ZNF780A: variants seen among roughly 807,000 people sequenced by gnomAD.
ZNF780A encodes the protein zinc finger protein 780A.
A neutral mutation model predicts 56.7 loss-of-function variants in ZNF780A; 40 were observed. The ratio of observed to expected loss-of-function variants is 0.71; its 90% confidence interval spans 0.55 to 0.92. The LOEUF (loss-of-function observed/expected upper bound fraction) is 0.92. Among genes scored for constraint, ZNF780A ranks in the 40% least tolerant of loss-of-function variants. ZNF780A has a pLI of 0.00. For missense variants in ZNF780A, 672 were observed against 783.3 expected (o/e 0.86, Z 1.70); for synonymous variants, 231 against 248.3 (o/e 0.93, Z 0.66).
intron 2 of ZNF780A, chr19:40,089,294 C>A: frequency 7.2e-7 from 1 of 1,391,900 alleles, no homozygotes; most frequent in Non-Finnish European, 9.5e-7. Context: ...TAAATACATA[C>A]AATTATATCT....
intron 5 of ZNF780A, among the ~76,000 whole-genome samples, chr19:40,077,837 C>T (rs1176466078): frequency 6.6e-6 from 1 of 150,804 alleles, no homozygotes; most frequent in African/African-American, 2.4e-5. Context: ...AAAGCCTCCC[C>T]TACAAAAGCA....
rs368880980 is a variant in ZNF780A, at chr19:40,084,745, A to G, written c.9T>C (p.His3=). 2.1e-5 allele frequency: 32 copies of G among 1,552,332 alleles called. No individual in the cohort carries two copies. The African/African-American group carries it at 3.0e-4, about 15-fold the overall frequency. ...GGAAAAGAGAGAAATACAAACTTAC[A>G]TGGACCATGTTGCTAGAATTACAAA... MV[H]GSVTFRDVAI... The change falls in exon 3 of 6, where the codon CAT becomes CAC. Residue 3 remains histidine (H), a splice_region_variant and synonymous_variant. Transcript: ENST00000683561.
At chr19:40,080,442 A>G (rs558050512) in intron 5 of ZNF780A, among the ~76,000 whole-genome samples, 4 of 152,354 alleles carry the variant, frequency 2.6e-5, no homozygotes, top group Non-Finnish European at 4.4e-5. Context: ...ATGTCCATCA[A>G]TGGTTACCTG....
chr19:40,080,195 G>A (rs1974393102), intron 5 of ZNF780A, among the ~76,000 whole-genome samples: 1 of 152,112 alleles, frequency 6.6e-6, no homozygotes, highest in South Asian at 2.1e-4. Context: ...AGGACTGATG[G>A]CTTCACTGCT....
At chr19:40,080,879 G>C (rs753088966) in intron 5 of ZNF780A, among the ~76,000 whole-genome samples, 1 of 152,064 alleles carries the variant, frequency 6.6e-6, no homozygotes, top group Non-Finnish European at 1.5e-5. Context: ...TGGAAAACTG[G>C]ATATCCGTAT....
chr19:40,075,743 A>G lies in ZNF780A; in HGVS notation c.699T>C (p.Leu233=), dbSNP rs1007478407. 1.2e-6 allele frequency: 2 copies of G among 1,613,808 alleles called. No individual in the cohort carries two copies. Among genetic ancestry groups the G allele is most frequent in the African/African-American group, 1.3e-5 (1 of 74,918 alleles). ...TGTTCTTATGGCGATTAAGCAGGGTAAGAAGACTAAAGGCCTTTCCACATT... is the reference window on the plus strand; with the variant it reads ...TGTTCTTATGGCGATTAAGCAGGGTGAGAAGACTAAAGGCCTTTCCACATT... ...CNECGKAFSL[L]TLLNRHKNIH... The change falls in exon 6 of 6, where the codon CTT becomes CTC. Residue 233 remains leucine (L), a synonymous_variant. Coordinates refer to ENST00000683561, the MANE Select transcript of ZNF780A (RefSeq NM_001142578.2).
Position 40,083,145 on chromosome 19 carries a change from C to T in ZNF780A, c.102G>A (p.Val34=). ...QPDQRTLYRD[V]MLENYSHLIS... is the part of the protein sequence containing the mutation. ...TCAGGTGGCTGTAGTTCTCCAACATCACATCCCTGTACAAGGTCCTCTGAT... is the reference window on the plus strand; with the variant it reads ...TCAGGTGGCTGTAGTTCTCCAACATTACATCCCTGTACAAGGTCCTCTGAT... Residue 34 remains valine, a synonymous_variant, in exon 4 of 6, where the codon GTG becomes GTA. Coordinates refer to ENST00000683561, the MANE Select transcript of ZNF780A (RefSeq NM_001142578.2). 6.2e-7 allele frequency: 1 copy of T among 1,614,206 alleles called. No homozygotes were observed. Among genetic ancestry groups the T allele is most frequent in the Non-Finnish European group, 8.5e-7 (1 of 1,180,040 alleles).
chr19:40,072,897 C>A (rs1394025021), downstream of ZNF780A: 11 of 1,549,692 alleles, frequency 7.1e-6, no homozygotes, highest in East Asian at 2.7e-4. Context: ...AGAGAGATAA[C>A]CAAATGCAAT....
At position 40,074,621 on chromosome 19, in the gene ZNF780A, A is replaced by T; in HGVS notation, c.1821T>A (p.His607Gln). The T allele has an allele frequency of 6.2e-7, 1 of 1,613,610 alleles. No individual in the cohort carries two copies. The highest frequency in any genetic ancestry group is 1.1e-5 in the South Asian group (1 of 91,070). The change falls in exon 6 of 6, where the codon CAT (histidine) becomes CAA (glutamine). Residue 607 changes from histidine to glutamine, a missense_variant. Physicochemically the swap from His to Gln is conservative, Grantham distance 24 (BLOSUM62 0). Transcript: ENST00000683561. ...HMQLIRHQKL[H>Q]TGEKPFECKE... Reference sequence around the variant, plus strand: ...TACATTCAAAGGGTTTCTCACCAGTATGCAATTTCTGATGTCGAATAAGTT... The same window carrying T: ...TACATTCAAAGGGTTTCTCACCAGTTTGCAATTTCTGATGTCGAATAAGTT...
At chr19:40,078,075 A>C (rs1974252642) in intron 5 of ZNF780A, among the ~76,000 whole-genome samples, 1 of 151,840 alleles carries the variant, frequency 6.6e-6, no homozygotes, top group Non-Finnish European at 1.5e-5. Flanking sequence ...ACTCAGGATA[A>C]GAAGAAGAAA....
intron 5 of ZNF780A, among the ~76,000 whole-genome samples, chr19:40,077,211 C>T (rs998848839): frequency 2.0e-5 from 3 of 152,104 alleles, no homozygotes; most frequent in Admixed American, 1.3e-4. Flanking sequence ...CTTGTGTCCT[C>T]GTGCTAGGCC....
At chr19:40,080,439 T>C (rs58395013) in intron 5 of ZNF780A, among the ~76,000 whole-genome samples, 12,165 of 152,192 alleles carry the variant, frequency 0.08, 818 homozygotes, top group East Asian at 0.18. Flanking sequence ...TAAATGTCCA[T>C]CAATGGTTAC....
intron 5 of ZNF780A, among the ~76,000 whole-genome samples, chr19:40,081,372 A>C (rs1468752421): frequency 6.6e-6 from 1 of 152,006 alleles, no homozygotes; most frequent in Non-Finnish European, 1.5e-5. Context: ...ATCTCTACTA[A>C]AAATACAAAA....
At position 40,075,495 on chromosome 19, in the gene ZNF780A, T is replaced by C. The variant is rs773195943; in HGVS notation, c.947A>G (p.Tyr316Cys). 49 of 1,613,210 alleles carry C rather than the reference T, an allele frequency of 3.0e-5. No homozygotes were observed. The South Asian group carries it at 5.3e-4, about 17-fold the overall frequency. ...VCKECGMAFR[Y>C]HYQLIEHCQI... is the part of the protein sequence containing the mutation. ...GCAATGTTCAATAAGTTGGTAATGA[T>C]ATCGAAAGGCCATCCCACATTCCTT... Residue 316 changes from tyrosine to cysteine, a missense_variant, in exon 6 of 6, where the codon TAT (tyrosine) becomes TGT (cysteine). Coordinates refer to ENST00000683561, the MANE Select transcript of ZNF780A (RefSeq NM_001142578.2).
chr19:40,077,655 C>T (rs1974220257), intron 5 of ZNF780A, among the ~76,000 whole-genome samples: 1 of 151,812 alleles, frequency 6.6e-6, no homozygotes, highest in Admixed American at 6.6e-5. Context: ...TTCACCATAC[C>T]CTCCACTAAC....
chr19:40,077,409 A>C (rs1454038856), intron 5 of ZNF780A, among the ~76,000 whole-genome samples: 1 of 152,150 alleles, frequency 6.6e-6, no homozygotes, highest in Non-Finnish European at 1.5e-5. Flanking sequence ...AGAAGGAACA[A>C]GAGAGAGAAC....
At chr19:40,082,645 A>C (rs748018336) in intron 4 of ZNF780A, among the ~76,000 whole-genome samples, 4 of 152,160 alleles carry the variant, frequency 2.6e-5, no homozygotes, top group Admixed American at 6.6e-5. Context: ...GCTGGAGTGC[A>C]GTGATGGGTA....
At chr19:40,084,581 A>AGGTACAAAC (rs1280547062) in intron 3 of ZNF780A, among the ~76,000 whole-genome samples, 164 bp downstream of exon 3, 1 of 152,170 alleles carries the variant, frequency 6.6e-6, no homozygotes, top group Non-Finnish European at 1.5e-5. Context: ...TACAAATAGG[A>AGGTACAAAC]AGAGCAGTGA....
In ZNF780A at chr19:40,073,887, C is replaced by T. The variant is rs986034310; in HGVS notation, c.*629G>A. 15 of 999,554 alleles carry T rather than the reference C, an allele frequency of 1.5e-5. No individual in the cohort carries two copies. Among genetic ancestry groups the T allele is most frequent in the Non-Finnish European group, 1.8e-5 (15 of 838,050 alleles). 61.9% of individuals were successfully genotyped at this position (999,554 alleles called of 1,614,324 possible). The stretch of plus-strand genomic sequence containing the variant: ...TATTCTGAATTTTCTGATGTTGAGA[C>T]AGCTGATCATCCACAGCAAATGCTT... On this transcript the variant is annotated 3_prime_UTR_variant, in exon 6 of 6. Transcript: ENST00000683561.
Sources: allele counts gnomAD v4.1 joint callset (sites outside exome capture counted in the v4.1 genomes callset), GRCh38; gene constraint gnomAD v4.1.1; transcripts MANE v1.5; gene names NCBI Gene and HGNC (gene_info 2026-07-23, HGNC 2026-07-21).